EIF2B3: variants seen among roughly 807,000 people sequenced by gnomAD.
The protein encoded by EIF2B3 is translation initiation factor eIF2B subunit gamma.
EIF2B3 carries 20 observed loss-of-function variants against 54.1 expected under a neutral mutation model. The ratio of observed to expected loss-of-function variants is 0.37; its 90% CI spans 0.26 to 0.54. The LOEUF (loss-of-function observed/expected upper bound fraction) is 0.54, where lower values mean the gene tolerates loss of function less well. EIF2B3 is among the 20% of genes least tolerant of loss of function. The pLI, the probability that EIF2B3 is intolerant of heterozygous loss-of-function variation, is 0.86. For missense variants in EIF2B3, 448 were observed against 547.8 expected (o/e 0.82, Z 1.82); for synonymous variants, 153 against 188.1 (o/e 0.81, Z 1.52).
At chr1:44,949,776 T>A (rs926919543) in intron 3 of EIF2B3, among the ~76,000 whole-genome samples, 13 of 152,214 alleles carry the variant, frequency 8.5e-5, no homozygotes, top group African/African-American at 3.1e-4. Flanking sequence ...ATTTACAACT[T>A]AAAATGAAGG....
At chr1:44,918,320 G>A (rs1267610237) in intron 5 of EIF2B3, among the ~76,000 whole-genome samples, 2 of 151,574 alleles carry the variant, frequency 1.3e-5, no homozygotes, top group African/African-American at 2.4e-5. Context: ...GACCTCAAGT[G>A]ACCTGGCCGT....
intron 10 of EIF2B3, 37 bp from the exon 11 acceptor site, chr1:44,857,844 CT>C (rs772511334): frequency 1.1e-5 from 18 of 1,589,254 alleles, no homozygotes; most frequent in Middle Eastern, 1.7e-4. Flanking sequence ...GGACCCAAGG[CT>C]CGCATCACCA....
At chr1:44,917,827 T>G (rs1360844454) in intron 5 of EIF2B3, among the ~76,000 whole-genome samples, 47 of 133,540 alleles carry the variant, frequency 3.5e-4, no homozygotes, top group African/African-American at 1.3e-3. Context: ...AGGCTGGAGT[T>G]CAGTGGTGCG....
chr1:44,938,088 C>T (rs866057235), intron 4 of EIF2B3, among the ~76,000 whole-genome samples: 2 of 151,804 alleles, frequency 1.3e-5, no homozygotes, highest in Non-Finnish European at 2.9e-5. Flanking sequence ...TCAGTAAGAA[C>T]GCCATTTGAG....
At chr1:44,962,278 C>T (rs1436712279) in intron 3 of EIF2B3, among the ~76,000 whole-genome samples, 1 of 151,856 alleles carries the variant, frequency 6.6e-6, no homozygotes, top group Non-Finnish European at 1.5e-5. Context: ...GGGTAGAGGA[C>T]CAGCCATGTC....
In EIF2B3 at chr1:44,871,185, T is replaced by C. The variant is rs181540959; in HGVS notation, c.1202+3493A>G. On this transcript the variant is annotated intron_variant, in intron 10 of 11. Transcript: ENST00000360403. ...TGCTCAAGCAACAAATCTGTTTTTT[T>C]CCTTAATTTCTCTTTGACCTCATAT... is the stretch of plus-strand genomic sequence containing the variant. Among the ~76,000 whole-genome samples, 663 of 152,354 alleles carry C rather than the reference T, an allele frequency of 4.4e-3. 5 individuals carry two copies. The highest frequency in any genetic ancestry group is 7.7e-3 in the Non-Finnish European group (527 of 68,034).
At chr1:44,869,477 G>GA (rs577790542) in intron 10 of EIF2B3, among the ~76,000 whole-genome samples, 1,912 of 126,766 alleles carry the variant, frequency 0.015, 41 homozygotes, top group African/African-American at 0.051. Flanking sequence ...GACTATCTCG[G>GA]AAAAAAAAAA....
At chr1:44,958,454 T>C in intron 3 of EIF2B3, 1 of 650,752 alleles carries the variant, frequency 1.5e-6, no homozygotes, top group Non-Finnish European at 2.6e-6. Flanking sequence ...ACTGTTCCAG[T>C]CTGGACCTCT....
Position 44,850,777 on chromosome 1 carries a change from A to T in EIF2B3, c.*174T>A, listed in dbSNP as rs1163449662. 19 of 671,596 alleles carry T rather than the reference A, an allele frequency of 2.8e-5. No homozygotes were observed. Among genetic ancestry groups the T allele is most frequent in the South Asian group, 2.2e-4 (13 of 57,886 alleles). The allele number at this position is 671,596 out of a possible 1,614,324, so 41.6% of individuals were successfully genotyped here. A position where few individuals can be genotyped will look rare whatever the true frequency, so the allele number is the denominator to read the frequency against. On this transcript the variant is annotated 3_prime_UTR_variant, in exon 12 of 12. Coordinates refer to ENST00000360403, the MANE Select transcript of EIF2B3 (RefSeq NM_020365.5). ...TCTTTACCACATGACACATGAACAT[A>T]CACTGTGTACACCTGGAGCCCACCT...
chr1:44,910,001 G>A (rs1643482034), intron 5 of EIF2B3, among the ~76,000 whole-genome samples: 1 of 152,120 alleles, frequency 6.6e-6, no homozygotes, highest in African/African-American at 2.4e-5. Flanking sequence ...AGATGACCTT[G>A]TGAACATTTT....
chr1:44,909,654 G>A (rs55926235), intron 5 of EIF2B3, among the ~76,000 whole-genome samples: 25,702 of 152,068 alleles, frequency 0.17, 2,265 homozygotes, highest in Non-Finnish European at 0.18. Flanking sequence ...TTTTATAGAA[G>A]TAAATTAAAA....
chr1:44,899,901 A>T (rs973586753), intron 5 of EIF2B3, among the ~76,000 whole-genome samples: 1 of 152,236 alleles, frequency 6.6e-6, no homozygotes, highest in African/African-American at 2.4e-5. Context: ...TCACAGTACT[A>T]GTCACAATAG....
intron 6 of EIF2B3, among the ~76,000 whole-genome samples, chr1:44,896,601 T>C (rs1655981058): frequency 6.6e-6 from 1 of 152,242 alleles, no homozygotes; most frequent in African/African-American, 2.4e-5. Context: ...TGGTGAACTT[T>C]CCAAACTTAT....
At chr1:44,890,395 T>C (rs2148910963) in intron 6 of EIF2B3, among the ~76,000 whole-genome samples, 2 of 152,292 alleles carry the variant, frequency 1.3e-5, no homozygotes, top group East Asian at 3.9e-4. Flanking sequence ...GTGATGCTTA[T>C]GTAAAAGCTC....
chr1:44,944,292 G>C (rs1442548312), intron 3 of EIF2B3, among the ~76,000 whole-genome samples: 1 of 151,984 alleles, frequency 6.6e-6, no homozygotes, highest in Non-Finnish European at 1.5e-5. Context: ...TTATTTTCCA[G>C]GCTTCTGGAT....
At chr1:44,934,282 C>T (rs1450132340) in intron 4 of EIF2B3, among the ~76,000 whole-genome samples, 1 of 151,858 alleles carries the variant, frequency 6.6e-6, no homozygotes, top group East Asian at 2.0e-4. Flanking sequence ...CCTGTAATCC[C>T]AGCTACTCGG....
At chr1:44,878,294 ACT>A (rs1418572934) in intron 8 of EIF2B3, among the ~76,000 whole-genome samples, 1 of 151,808 alleles carries the variant, frequency 6.6e-6, no homozygotes, top group Non-Finnish European at 1.5e-5. Context: ...ACAGAGTCTC[ACT>A]CTGTTGCCCA....
intron 3 of EIF2B3, among the ~76,000 whole-genome samples, chr1:44,974,844 T>G (rs981230449): frequency 5.3e-5 from 8 of 152,024 alleles, no homozygotes; most frequent in Admixed American, 6.6e-5. Context: ...AATAAACAAT[T>G]GAAAATAGAA....
intron 3 of EIF2B3, among the ~76,000 whole-genome samples, chr1:44,943,753 C>G (rs72885257): frequency 6.6e-6 from 1 of 151,992 alleles, no homozygotes; most frequent in Admixed American, 6.6e-5. Context: ...ACTTTACCAA[C>G]GAAGAAACAG....
Sources: allele counts gnomAD v4.1 joint callset (sites outside exome capture counted in the v4.1 genomes callset), GRCh38; gene constraint gnomAD v4.1.1; transcripts MANE v1.5; gene names NCBI Gene and HGNC (gene_info 2026-07-23, HGNC 2026-07-21).